FUT8: variants seen among roughly 807,000 people sequenced by gnomAD.
The protein encoded by FUT8 is alpha-(1,6)-fucosyltransferase.
A neutral mutation model predicts 71.3 loss-of-function variants in FUT8; 29 were observed. The observed-to-expected ratio is 0.41, with a 90% CI of 0.30 to 0.55. The LOEUF (loss-of-function observed/expected upper bound fraction) is 0.55. Among genes scored for constraint, FUT8 ranks in the 20% least tolerant of loss-of-function variants. FUT8 has a pLI of 0.34. For missense variants in FUT8, 544 were observed against 702.1 expected, an observed-to-expected ratio of 0.77 and a Z score of 2.55; for synonymous variants, 254 against 239.3, an observed-to-expected ratio of 1.06 and a Z score of -0.57.
intron 7 of FUT8, among the ~76,000 whole-genome samples, chr14:65,673,820 CAG>C (rs1374287692): frequency 6.6e-6 from 1 of 152,146 alleles, no homozygotes; most frequent in Non-Finnish European, 1.5e-5. Context: ...AGAGAGTAGA[CAG>C]AGTTATAAGA....
intron 2 of FUT8, among the ~76,000 whole-genome samples, chr14:65,459,258 T>C (rs1225245499): frequency 6.6e-6 from 1 of 152,180 alleles, no homozygotes; most frequent in East Asian, 1.9e-4. Flanking sequence ...ATTTAGATTT[T>C]AAACCACAAT....
At chr14:65,588,821 G>C (rs1452189110) in intron 3 of FUT8, among the ~76,000 whole-genome samples, 3 of 152,132 alleles carry the variant, frequency 2.0e-5, no homozygotes, top group African/African-American at 7.2e-5. Context: ...TCTCTTAGCT[G>C]TGCCTAATTT....
intron 3 of FUT8, among the ~76,000 whole-genome samples, chr14:65,591,220 C>T (rs146769138): frequency 1.1e-4 from 17 of 152,128 alleles, no homozygotes; most frequent in Admixed American, 3.9e-4. Flanking sequence ...TGGAGAAACT[C>T]GGATTTACTT....
the FUT8 span, among the ~76,000 whole-genome samples, chr14:65,374,379 G>T: frequency 2.0e-5 from 3 of 152,098 alleles, no homozygotes; most frequent in Admixed American, 1.3e-4. Flanking sequence ...AAGGGGTTTG[G>T]ATAAACATGG....
At chr14:65,531,501 A>G (rs1046082163) in intron 2 of FUT8, among the ~76,000 whole-genome samples, 24 of 152,322 alleles carry the variant, frequency 1.6e-4, no homozygotes, top group Admixed American at 1.2e-3. Flanking sequence ...ATGTAGAGCC[A>G]TAATTTGGAT....
intron 9 of FUT8, among the ~76,000 whole-genome samples, chr14:65,724,767 C>T (rs1895594065): frequency 6.6e-6 from 1 of 152,180 alleles, no homozygotes; most frequent in African/African-American, 2.4e-5. Flanking sequence ...GGCTTGTAAG[C>T]AGCCACTATT....
chr14:65,674,431 A>G (rs968325374), intron 7 of FUT8, among the ~76,000 whole-genome samples: 2 of 152,190 alleles, frequency 1.3e-5, no homozygotes, highest in African/African-American at 4.8e-5. Flanking sequence ...CCTGGAATAT[A>G]TTATTAGGTT....
At position 65,652,539 on chromosome 14, in the gene FUT8, T is replaced by A. The variant is rs1012679876; in HGVS notation, c.598-16704T>A. On this transcript the variant is annotated intron_variant, in intron 6 of 10. Coordinates refer to ENST00000673929, the MANE Select transcript of FUT8 (RefSeq NM_001371533.1). This position sits in a 1 kb window ranked among gnomAD's most constrained non-coding sequence, Gnocchi z 4.0. ...GCATTCAGATAAAAAGCTAACATTCTGAGGCTGGTGAAGAAGAGACTGGCT... is the reference window on the plus strand; with the variant it reads ...GCATTCAGATAAAAAGCTAACATTCAGAGGCTGGTGAAGAAGAGACTGGCT... Among the ~76,000 whole-genome samples the A allele has an allele frequency of 2.6e-5, 4 of 152,312 alleles. No individual in the cohort carries two copies. The highest frequency in any genetic ancestry group is 9.6e-5 in the African/African-American group (4 of 41,578).
At chr14:65,593,680 AT>A (rs575979589) in intron 3 of FUT8, among the ~76,000 whole-genome samples, 79 of 151,960 alleles carry the variant, frequency 5.2e-4, no homozygotes, top group African/African-American at 1.8e-3. Flanking sequence ...GGTTCAAGAG[AT>A]TCTCCTGCCT....
intron 2 of FUT8, among the ~76,000 whole-genome samples, chr14:65,471,741 T>G (rs1404993102): frequency 2.1e-5 from 3 of 142,062 alleles, no homozygotes; most frequent in Non-Finnish European, 4.6e-5. Flanking sequence ...GGATTATCAG[T>G]TTTTTTTTTT....
intron 1 of FUT8, among the ~76,000 whole-genome samples, chr14:65,444,200 C>T (rs1436265773): frequency 6.6e-6 from 1 of 152,094 alleles, no homozygotes; most frequent in Non-Finnish European, 1.5e-5. Context: ...AAACTGAGTA[C>T]ATAAACCTAT....
At chr14:65,473,110 C>G (rs2066174707) in intron 2 of FUT8, among the ~76,000 whole-genome samples, 1 of 151,954 alleles carries the variant, frequency 6.6e-6, no homozygotes, top group Non-Finnish European at 1.5e-5. Context: ...ATTTTTTTTA[C>G]AAAGTTATAA....
At chr14:65,486,663 G>C (rs1018050527) in intron 2 of FUT8, among the ~76,000 whole-genome samples, 5 of 152,184 alleles carry the variant, frequency 3.3e-5, no homozygotes, top group African/African-American at 1.2e-4. Context: ...AATAGAAAGA[G>C]TTGATTTGGG....
intron 7 of FUT8, among the ~76,000 whole-genome samples, chr14:65,699,143 TCTACACA>T (rs1328096250): frequency 3.9e-5 from 4 of 102,118 alleles, no homozygotes; most frequent in Non-Finnish European, 7.8e-5. Flanking sequence ...CTCCCTCCCT[TCTACACA>T]CACACACACA....
chr14:65,434,525 G>A (rs894493816), intron 1 of FUT8, among the ~76,000 whole-genome samples: 3 of 152,174 alleles, frequency 2.0e-5, no homozygotes, highest in Non-Finnish European at 4.4e-5. Context: ...GGAATTTGAA[G>A]TAGCAAAAAC....
At chr14:65,460,981 G>A (rs2065961524) in intron 2 of FUT8, among the ~76,000 whole-genome samples, 2 of 152,164 alleles carry the variant, frequency 1.3e-5, no homozygotes, top group Admixed American at 1.3e-4. Flanking sequence ...GTAAAGTCAT[G>A]TTAATGTACC....
At position 65,447,392 on chromosome 14, in the gene FUT8, C is replaced by T. The variant is rs140688697; in HGVS notation, c.-325-8229C>T. On this transcript the variant is annotated intron_variant, in intron 1 of 10. Transcript: ENST00000673929. The stretch of plus-strand genomic sequence containing the variant: ...TTTTTTAGTTTCCAGTAAATCAAGG[C>T]GCAGTGTAATCATTGTACATTTTAT... Among the ~76,000 whole-genome samples, 833 of 151,594 alleles carry T rather than the reference C, an allele frequency of 5.5e-3. 9 individuals carry two copies. Among genetic ancestry groups the T allele is most frequent in the Middle Eastern group, 0.038 (11 of 290 alleles).
At chr14:65,666,946 A>T (rs533672158) in intron 6 of FUT8, among the ~76,000 whole-genome samples, 52 of 152,332 alleles carry the variant, frequency 3.4e-4, no homozygotes, top group Middle Eastern at 3.4e-3. Flanking sequence ...GATGCAGAAA[A>T]GGCTTTCAAT....
At chr14:65,682,037 T>C (rs1303273852) in intron 7 of FUT8, among the ~76,000 whole-genome samples, 1 of 152,160 alleles carries the variant, frequency 6.6e-6, no homozygotes, top group African/African-American at 2.4e-5. Context: ...AAGCATAAAA[T>C]ATTTACTATC....
Sources: gnomAD v4.1 joint callset for allele counts (sites outside exome capture counted in the v4.1 genomes callset) on GRCh38, gnomAD v4.1.1 for gene constraint, Gnocchi (gnomAD v3.1) non-coding constraint, MANE v1.5 for transcripts, NCBI Gene and HGNC (gene_info 2026-07-23, HGNC 2026-07-21) for gene names.